The following AK3 variants were observed in gnomAD, a reference collection of about 807,000 sequenced individuals.
AK3 encodes GTP:AMP phosphotransferase AK3, mitochondrial.
Under a neutral mutation model 23.7 loss-of-function variants are expected in AK3, and 27 were observed. The ratio of observed to expected loss-of-function variants is 1.14; its 90% CI spans 0.84 to 1.57. The LOEUF (loss-of-function observed/expected upper bound fraction) is 1.57. AK3 is among the 40% of genes most tolerant of loss of function. The probability of loss-of-function intolerance (pLI) is 0.00; values close to 1 mark genes in which losing one functional copy is unlikely to be tolerated. For missense variants in AK3, 406 were observed against 285.6 expected, an observed-to-expected ratio of 1.42 and a Z score of -3.04; for synonymous variants, 159 against 116.0, an observed-to-expected ratio of 1.37 and a Z score of -2.38.
chr9:4,718,686 A>G (rs1005166847), intron 3 of AK3, 149 bp from the exon 4 acceptor site: 10 of 624,034 alleles, frequency 1.6e-5, no homozygotes, highest in African/African-American at 7.4e-5. Flanking sequence ...TCCAACCTCA[A>G]AAGAGATCAT....
chr9:4,735,706 T>A (rs1179541280), intron 1 of AK3, among the ~76,000 whole-genome samples: 1 of 150,302 alleles, frequency 6.7e-6, no homozygotes, highest in Non-Finnish European at 1.5e-5. Context: ...TGACCTCAAA[T>A]GATCCACCTT....
chr9:4,730,760 T>C (rs953444262), intron 1 of AK3, among the ~76,000 whole-genome samples: 16 of 152,348 alleles, frequency 1.1e-4, no homozygotes, highest in African/African-American at 3.4e-4. Context: ...TGAGATTAGA[T>C]TGATATCTTA....
At chr9:4,723,382 T>A (rs1016806138) in intron 1 of AK3, among the ~76,000 whole-genome samples, 1 of 152,350 alleles carries the variant, frequency 6.6e-6, no homozygotes, top group African/African-American at 2.4e-5. Flanking sequence ...GAGAGACTTT[T>A]CCAATCCTGT....
chr9:4,718,364 A>G (rs901242727), intron 4 of AK3, 55 bp downstream of exon 4: 10 of 1,357,282 alleles, frequency 7.4e-6, no homozygotes, highest in South Asian at 1.2e-5. Flanking sequence ...AGGAAAATCA[A>G]AACTAGACTT....
intron 2 of AK3, among the ~76,000 whole-genome samples, chr9:4,721,779 C>G (rs920305635): frequency 6.6e-6 from 1 of 152,140 alleles, no homozygotes; most frequent in Admixed American, 6.5e-5. Flanking sequence ...TCTAATTTAC[C>G]TCTTAGCACT....
rs149059008 is a variant in AK3, at chr9:4,719,254, C to G, written c.325G>C (p.Asp109His). 6.2e-7 allele frequency: 1 copy of G among 1,607,368 alleles called. No individual in the cohort carries two copies. Among genetic ancestry groups the G allele is most frequent in the Non-Finnish European group, 8.5e-7 (1 of 1,177,550 alleles). ...AEALDRAYQI[D>H]TVINLNVPFE... is the part of the protein sequence containing the mutation. ...GGCACATTCAGGTTAATCACTGTGT[C>G]GATCTGATAAGCTCTATCTAGGGCT... is the stretch of plus-strand genomic sequence containing the variant. Residue 109 changes from aspartate to histidine, a missense_variant, in exon 3 of 5, where the codon GAC (aspartate) becomes CAC (histidine). Coordinates refer to ENST00000381809, the MANE Select transcript of AK3 (RefSeq NM_016282.4).
chr9:4,719,943 T>C (rs1010419934), intron 2 of AK3, among the ~76,000 whole-genome samples: 5 of 130,442 alleles, frequency 3.8e-5, no homozygotes, highest in Non-Finnish European at 8.3e-5. Context: ...CAGGTCCCTG[T>C]AATCCCAGCT....
At chr9:4,738,612 G>GAAAAAA (rs55994802) in intron 1 of AK3, among the ~76,000 whole-genome samples, 5 of 149,154 alleles carry the variant, frequency 3.4e-5, no homozygotes, top group Non-Finnish European at 7.4e-5. Context: ...AAAAGAAAAA[G>GAAAAAA]AAAAAAAAAG....
At chr9:4,739,989 G>C (rs1842387275) in intron 1 of AK3, among the ~76,000 whole-genome samples, 2 of 150,602 alleles carry the variant, frequency 1.3e-5, no homozygotes, top group Admixed American at 1.3e-4. Flanking sequence ...CCGAAGAATG[G>C]GACTGAGGTA....
chr9:4,741,561 G>C (rs1842436716), upstream of AK3, among the ~76,000 whole-genome samples: 1 of 151,446 alleles, frequency 6.6e-6, no homozygotes, highest in South Asian at 2.1e-4. Context: ...CAGCCGGATA[G>C]ACCGCGCTCC....
At chr9:4,740,235 A>G (rs1031113773) in intron 1 of AK3, among the ~76,000 whole-genome samples, 1 of 152,214 alleles carries the variant, frequency 6.6e-6, no homozygotes, top group African/African-American at 2.4e-5. Context: ...CCCTCTTAAG[A>G]GAGAATTTAC....
chr9:4,712,188 A>G lies in AK3; in HGVS notation c.*788T>C, dbSNP rs1010527228. The G allele has an allele frequency of 6.6e-6, 1 of 152,180 alleles. No homozygotes were observed. Among genetic ancestry groups the G allele is most frequent in the African/African-American group, 2.4e-5 (1 of 41,440 alleles). 9.4% of individuals were successfully genotyped at this position (152,180 alleles called of 1,614,324 possible). A position where few individuals can be genotyped will look rare whatever the true frequency, so the allele number is the denominator to read the frequency against. ...CATTTCTTAACCTGAGTCATAACTG[A>G]AAACATAGACTTTAATTACATTTTG... is the stretch of plus-strand genomic sequence containing the variant. On this transcript the variant is annotated 3_prime_UTR_variant, in exon 5 of 5. Transcript: ENST00000381809.
chr9:4,716,747 G>A (rs1410508593), intron 4 of AK3, among the ~76,000 whole-genome samples: 4 of 152,100 alleles, frequency 2.6e-5, no homozygotes, highest in African/African-American at 9.7e-5. Flanking sequence ...CGTGCAACAT[G>A]GCAAGAGCCC....
chr9:4,724,982 G>C (rs1368565981), intron 1 of AK3, among the ~76,000 whole-genome samples: 1 of 151,078 alleles, frequency 6.6e-6, no homozygotes, highest in African/African-American at 2.4e-5. Flanking sequence ...ACTCAATATA[G>C]GTCATAAACC....
rs552092016 is a variant in AK3, at chr9:4,738,232, C to T, written c.151+2705G>A. Among the ~76,000 whole-genome samples the T allele has an allele frequency of 9.7e-4, 148 of 152,296 alleles. 1 individual carries two copies. The highest frequency in any genetic ancestry group is 1.6e-3 in the Non-Finnish European group (112 of 68,024). On this transcript the variant is annotated intron_variant, in intron 1 of 4. Transcript: ENST00000381809. ...CTAGGCTGGAATGCAATGGCGCCAT[C>T]TCGGCTCGCTGCAACCTCCGCCTCC...
At chr9:4,731,861 C>G (rs1842161718) in intron 1 of AK3, among the ~76,000 whole-genome samples, 1 of 152,208 alleles carries the variant, frequency 6.6e-6, no homozygotes, top group African/African-American at 2.4e-5. Flanking sequence ...CCTCCTCCTC[C>G]TCAGTCTACT....
intron 1 of AK3, among the ~76,000 whole-genome samples, chr9:4,737,914 T>C (rs1025943934): frequency 6.6e-6 from 1 of 152,168 alleles, no homozygotes; most frequent in African/African-American, 2.4e-5. Context: ...AATACAGCCA[T>C]GGGTTATAAA....
Position 4,711,476 on chromosome 9 carries a change from G to C in AK3, c.*1500C>G, listed in dbSNP as rs923341070. On this transcript the variant is annotated 3_prime_UTR_variant, in exon 5 of 5. Transcript: ENST00000381809. ...AAACCTTGGTTCATCTTGAAAGATCGATGAATTTTTTAAATATCAGAAGAA... is the reference window on the plus strand; with the variant it reads ...AAACCTTGGTTCATCTTGAAAGATCCATGAATTTTTTAAATATCAGAAGAA... 6.6e-6 allele frequency: 1 copy of C among 152,460 alleles called. No individual in the cohort carries two copies. Among genetic ancestry groups the C allele is most frequent in the South Asian group, 2.1e-4 (1 of 4,822 alleles). 9.4% of individuals were successfully genotyped at this position (152,460 alleles called of 1,614,324 possible).
chr9:4,738,572 ATT>A (rs1404737680), intron 1 of AK3, among the ~76,000 whole-genome samples: 2 of 151,840 alleles, frequency 1.3e-5, no homozygotes, highest in Non-Finnish European at 2.9e-5. Flanking sequence ...GAATACAACC[ATT>A]TTGCAAATAC....
Sources: gnomAD v4.1 joint callset for allele counts (sites outside exome capture counted in the v4.1 genomes callset) on GRCh38, gnomAD v4.1.1 for gene constraint, MANE v1.5 for transcripts, NCBI Gene and HGNC (gene_info 2026-07-23, HGNC 2026-07-21) for gene names.